The following MAF variants were observed in gnomAD, a reference collection of about 807,000 sequenced individuals.
MAF encodes the protein transcription factor Maf.
Under a neutral mutation model 22.0 loss-of-function variants are expected in MAF, and 10 were observed. That is an observed-to-expected ratio of 0.45 (90% confidence interval 0.28 to 0.77). The LOEUF is 0.77. MAF is among the 30% of genes least tolerant of loss of function. The pLI is 0.12. For synonymous variants in MAF, 337 were observed against 255.8 expected, an observed-to-expected ratio of 1.32 and a Z score of -3.03; for missense variants, 544 against 548.4, an observed-to-expected ratio of 0.99 and a Z score of 0.08.
the MAF span, among the ~76,000 whole-genome samples, chr16:79,478,245 C>T: frequency 6.6e-6 from 1 of 152,198 alleles, no homozygotes; most frequent in Non-Finnish European, 1.5e-5. Flanking sequence ...TGAGCGAGGC[C>T]TTGTGATTTG....
At chr16:79,576,881 TG>T in the MAF span, among the ~76,000 whole-genome samples, 2 of 152,228 alleles carry the variant, frequency 1.3e-5, no homozygotes, top group African/African-American at 4.8e-5. Flanking sequence ...GCAGAAACTT[TG>T]TATCCTTTTT....
chr16:79,469,683 A>G, the MAF span, among the ~76,000 whole-genome samples: 131,628 of 151,952 alleles, frequency 0.87, 57,051 homozygotes, highest in East Asian at 0.97. Flanking sequence ...TGCAACCTCT[A>G]CCTCCCAGGT....
the MAF span, among the ~76,000 whole-genome samples, chr16:79,258,810 A>T: frequency 1.3e-5 from 2 of 152,142 alleles, no homozygotes; most frequent in African/African-American, 2.4e-5. Context: ...TGAAGCCCCC[A>T]GCCCACCCCC....
At chr16:79,452,457 A>T in the MAF span, among the ~76,000 whole-genome samples, 1 of 152,234 alleles carries the variant, frequency 6.6e-6, no homozygotes, top group African/African-American at 2.4e-5. Flanking sequence ...GACAATTTAT[A>T]ACTGGCATTT....
chr16:79,566,850 C>G, the MAF span, among the ~76,000 whole-genome samples: 5 of 152,194 alleles, frequency 3.3e-5, no homozygotes, highest in African/African-American at 1.2e-4. Context: ...TCCAAATCCT[C>G]TTTGGCTGCT....
the MAF span, among the ~76,000 whole-genome samples, chr16:79,432,376 C>T: frequency 1.3e-5 from 2 of 152,074 alleles, no homozygotes; most frequent in East Asian, 3.9e-4. Context: ...CTAATACACC[C>T]TATATATACA....
At chr16:79,521,668 T>C in the MAF span, among the ~76,000 whole-genome samples, 2 of 152,294 alleles carry the variant, frequency 1.3e-5, no homozygotes, top group South Asian at 4.2e-4. Flanking sequence ...GCCACATCTT[T>C]CCAGTGCAAG....
the MAF span, among the ~76,000 whole-genome samples, chr16:79,410,490 C>G: frequency 4.6e-5 from 7 of 152,316 alleles, no homozygotes; most frequent in South Asian, 1.4e-3. Context: ...CCTATGTGGT[C>G]CACAGATAAT....
the MAF span, among the ~76,000 whole-genome samples, chr16:79,531,819 G>C: frequency 1.3e-5 from 2 of 152,064 alleles, no homozygotes; most frequent in East Asian, 3.9e-4. Context: ...GACTGGTACT[G>C]GTCTGTGGCC....
chr16:79,472,363 A>G, the MAF span, among the ~76,000 whole-genome samples: 1 of 152,194 alleles, frequency 6.6e-6, no homozygotes, highest in African/African-American at 2.4e-5. Flanking sequence ...AAAAGTAGAA[A>G]TATCCCGAAT....
At chr16:79,323,234 C>G in the MAF span, among the ~76,000 whole-genome samples, 1 of 128,674 alleles carries the variant, frequency 7.8e-6, no homozygotes, top group Non-Finnish European at 1.6e-5. Context: ...AAAAGTCAGT[C>G]TAGTCCCGGG....
At chr16:79,214,686 T>G in the MAF span, among the ~76,000 whole-genome samples, 1 of 142,724 alleles carries the variant, frequency 7.0e-6, no homozygotes, top group Admixed American at 7.3e-5. Flanking sequence ...ATTACAGGTG[T>G]GAGCCACTGT....
At chr16:79,559,704 G>T in the MAF span, among the ~76,000 whole-genome samples, 8 of 151,992 alleles carry the variant, frequency 5.3e-5, no homozygotes, top group African/African-American at 1.9e-4. Context: ...TTTTAAATTG[G>T]AGAAGCCAAC....
At chr16:79,321,566 A>G in the MAF span, among the ~76,000 whole-genome samples, 1 of 151,600 alleles carries the variant, frequency 6.6e-6, no homozygotes, top group Admixed American at 6.6e-5. Flanking sequence ...ATTTCAGCAG[A>G]GGGAAAGGCA....
At chr16:79,557,848 G>T in the MAF span, among the ~76,000 whole-genome samples, 1 of 151,958 alleles carries the variant, frequency 6.6e-6, no homozygotes. Flanking sequence ...CATTATGAAG[G>T]AGACATGTGG....
the MAF span, among the ~76,000 whole-genome samples, chr16:79,570,011 CTTTTT>C: frequency 2.6e-5 from 3 of 116,962 alleles, no homozygotes; most frequent in Admixed American, 8.7e-5. Context: ...TGTCTTTGTT[CTTTTT>C]TTTTTTTTTT....
the MAF span, among the ~76,000 whole-genome samples, chr16:79,232,482 G>C: frequency 6.6e-6 from 1 of 151,932 alleles, no homozygotes; most frequent in East Asian, 1.9e-4. Context: ...AAAGAAACTT[G>C]GAGTCTTGAT....
the MAF span, among the ~76,000 whole-genome samples, chr16:79,324,975 C>T: frequency 2.0e-5 from 3 of 152,102 alleles, no homozygotes; most frequent in African/African-American, 7.2e-5. Context: ...CTTATAGACA[C>T]GTGCTCCAAT....
At chr16:79,508,134 C>CGG in the MAF span, among the ~76,000 whole-genome samples, 1 of 152,084 alleles carries the variant, frequency 6.6e-6, no homozygotes, top group Non-Finnish European at 1.5e-5. Flanking sequence ...TTGGAAGGAG[C>CGG]GGGGAGTCAT....
Sources: allele counts gnomAD v4.1 joint callset (sites outside exome capture counted in the v4.1 genomes callset), GRCh38; gene constraint gnomAD v4.1.1; transcripts MANE v1.5; gene names NCBI Gene and HGNC (gene_info 2026-07-23, HGNC 2026-07-21).